Variants in PPP1R21 observed in about 807,000 individuals in gnomAD.
PPP1R21 encodes the protein KLRAQ motif containing 1.
A neutral mutation model predicts 112.8 loss-of-function variants in PPP1R21; 85 were observed. That is an observed-to-expected ratio of 0.75 (90% CI 0.63 to 0.90). The LOEUF (loss-of-function observed/expected upper bound fraction) is 0.90. PPP1R21 is among the 40% of genes least tolerant of loss of function. The pLI is 0.00. For missense variants in PPP1R21, 1,199 were observed against 901.5 expected (o/e 1.33, Z -4.23); for synonymous variants, 381 against 322.3 (o/e 1.18, Z -1.95).
intron 5 of PPP1R21, 28 bp from the exon 6 acceptor site, chr2:48,460,067 C>G: frequency 1.9e-6 from 3 of 1,613,580 alleles, no homozygotes; most frequent in Non-Finnish European, 2.5e-6. Context: ...CCTGAGCCAT[C>G]TGTGTTTCTT....
chr2:48,449,829 G>T (rs1667399909), intron 1 of PPP1R21, among the ~76,000 whole-genome samples: 1 of 151,552 alleles, frequency 6.6e-6, no homozygotes, highest in African/African-American at 2.4e-5. Context: ...AGAAGAACCT[G>T]GTCTTTCATG....
chr2:48,490,218 C>CAAAAAAAAAAAAAAAAA (rs70943343), intron 14 of PPP1R21, among the ~76,000 whole-genome samples: 15 of 93,950 alleles, frequency 1.6e-4, no homozygotes, highest in East Asian at 3.3e-4. Context: ...GACGCCGACT[C>CAAAAAAAAAAAAAAAAA]AAAAAAAAAA....
chr2:48,480,539 T>C (rs1239467000), intron 13 of PPP1R21, among the ~76,000 whole-genome samples: 1 of 152,214 alleles, frequency 6.6e-6, no homozygotes, highest in Non-Finnish European at 1.5e-5. Context: ...GCTTCTGTGC[T>C]CCTAAAAATG....
At chr2:48,443,968 C>T (rs1667144468) in intron 1 of PPP1R21, among the ~76,000 whole-genome samples, 1 of 152,094 alleles carries the variant, frequency 6.6e-6, no homozygotes, top group South Asian at 2.1e-4. Flanking sequence ...TCTTCTCATT[C>T]TTCTTTAATG....
Position 48,505,616 on chromosome 2 carries a change from A to G in PPP1R21, c.1968+20A>G, listed in dbSNP as rs1558523885. On this transcript the variant is annotated intron_variant, in intron 18 of 21. Transcript: ENST00000294952. ...AGTGAGGTAACATGTGCTTGTCATC[A>G]TGTTGTTTGTTAGTAAATATCTGGC... The G allele has an allele frequency of 1.9e-6, 3 of 1,542,540 alleles. No individual in the cohort carries two copies. The highest frequency in any genetic ancestry group is 8.8e-7 in the Non-Finnish European group (1 of 1,138,258).
At chr2:48,469,075 C>T (rs1345313686) in intron 9 of PPP1R21, among the ~76,000 whole-genome samples, 5 of 151,278 alleles carry the variant, frequency 3.3e-5, no homozygotes, top group Non-Finnish European at 5.9e-5. Flanking sequence ...AAGTGGAAAC[C>T]CCTGATAAAC....
At chr2:48,475,146 A>G (rs948119396) in intron 12 of PPP1R21, among the ~76,000 whole-genome samples, 6 of 152,078 alleles carry the variant, frequency 3.9e-5, no homozygotes, top group African/African-American at 1.2e-4. Flanking sequence ...TGAGGTCAGG[A>G]GTTCAAGACC....
intron 12 of PPP1R21, among the ~76,000 whole-genome samples, chr2:48,477,508 G>A (rs574021337): frequency 6.6e-6 from 1 of 152,230 alleles, no homozygotes; most frequent in South Asian, 2.1e-4. Flanking sequence ...TTATTGAATG[G>A]TCTGGGTACC....
Position 48,514,757 on chromosome 2 carries a change from T to G in PPP1R21, c.*13T>G. 6.2e-7 allele frequency: 1 copy of G among 1,612,950 alleles called. No homozygotes were observed. The highest frequency in any genetic ancestry group is 8.5e-7 in the Non-Finnish European group (1 of 1,179,656). ...CAAGAGTCGATAGTTTTGAAATAGC[T>G]GGTTGGCGACTGTTCTTTCCAGACC... On this transcript the variant is annotated 3_prime_UTR_variant, in exon 22 of 22. Transcript: ENST00000294952.
intron 6 of PPP1R21, among the ~76,000 whole-genome samples, chr2:48,460,903 G>A (rs1023059297): frequency 1.3e-5 from 2 of 152,164 alleles, no homozygotes; most frequent in African/African-American, 4.8e-5. Flanking sequence ...TAAGACACTC[G>A]TACCATGATA....
At chr2:48,469,931 C>T (rs989452668) in intron 9 of PPP1R21, among the ~76,000 whole-genome samples, 2 of 152,050 alleles carry the variant, frequency 1.3e-5, no homozygotes, top group Non-Finnish European at 2.9e-5. Flanking sequence ...TTATATTATA[C>T]AGCTCTAAAG....
intron 17 of PPP1R21, among the ~76,000 whole-genome samples, chr2:48,505,274 ATCTTC>A (rs1670322957): frequency 1.3e-5 from 2 of 152,196 alleles, no homozygotes; most frequent in African/African-American, 2.4e-5. Context: ...TTAAAAGCTG[ATCTTC>A]TCTTCTCTCC....
Position 48,460,124 on chromosome 2 carries a change from C to G in PPP1R21, c.570C>G (p.Ala190=), listed in dbSNP as rs747035395. Residue 190 remains alanine (A), a synonymous_variant, in exon 6 of 22, where the codon GCC becomes GCG. Transcript: ENST00000294952. ...AATCTCAGACTCTAGAAAAGGAAGC[C>G]AAGGAATGTCGACTTCGAACGGAAG... The part of the protein sequence containing the change: ...EVKSQTLEKE[A]KECRLRTEEC... 2 of 1,614,060 alleles carry G rather than the reference C, an allele frequency of 1.2e-6. No homozygotes were observed. Among genetic ancestry groups the G allele is most frequent in the East Asian group, 2.2e-5 (1 of 44,882 alleles).
intron 14 of PPP1R21, among the ~76,000 whole-genome samples, chr2:48,489,249 T>A (rs946399473): frequency 1.3e-5 from 2 of 152,110 alleles, no homozygotes; most frequent in African/African-American, 4.8e-5. Flanking sequence ...GCATTTCATA[T>A]AGCACTGAAG....
intron 7 of PPP1R21, among the ~76,000 whole-genome samples, chr2:48,462,117 A>T (rs563866821): frequency 6.6e-6 from 1 of 152,158 alleles, no homozygotes; most frequent in African/African-American, 2.4e-5. Flanking sequence ...CCTTGTCTCA[A>T]TCATTAGGTT....
intron 8 of PPP1R21, 64 bp from the exon 9 acceptor site, chr2:48,465,429 A>C: frequency 1.4e-6 from 2 of 1,451,974 alleles, no homozygotes; most frequent in Non-Finnish European, 1.9e-6. Flanking sequence ...GATCAGACTC[A>C]ATAAAGTTCT....
intron 12 of PPP1R21, chr2:48,479,379 A>G: frequency 2.3e-6 from 1 of 433,424 alleles, no homozygotes. Flanking sequence ...TCTCACTGTT[A>G]TTACTGAGTT....
rs70943340 is a variant in PPP1R21, at chr2:48,469,488, CATAT to C, written c.898-1585_898-1582del. On this transcript the variant is annotated intron_variant, in intron 9 of 21. Coordinates refer to ENST00000294952, the MANE Select transcript of PPP1R21 (RefSeq NM_001135629.3). ...ATAGAGCATATATATATATATAGAG[CATAT>C]ATATATATATATAGAGCATATATAT... 2.0e-4 allele frequency among the ~76,000 whole-genome samples: 9 copies of C among 44,766 alleles called. 1 individual carries two copies. The highest frequency in any genetic ancestry group is 6.1e-4 in the South Asian group (1 of 1,630). 29.4% of individuals were successfully genotyped at this position (44,766 alleles called of 152,430 possible). A position where few individuals can be genotyped will look rare whatever the true frequency, so the allele number is the denominator to read the frequency against.
intron 15 of PPP1R21, among the ~76,000 whole-genome samples, chr2:48,495,165 A>C (rs1396064112): frequency 1.3e-5 from 2 of 152,208 alleles, no homozygotes; most frequent in African/African-American, 4.8e-5. Flanking sequence ...AAGGTAAGTC[A>C]GTGACCATTT....
Sources: gnomAD v4.1 joint callset for allele counts (sites outside exome capture counted in the v4.1 genomes callset) on GRCh38, gnomAD v4.1.1 for gene constraint, MANE v1.5 for transcripts, NCBI Gene and HGNC (gene_info 2026-07-23, HGNC 2026-07-21) for gene names.